Variants in GRID2 observed in about 807,000 individuals in gnomAD.
The protein encoded by GRID2 is glutamate ionotropic receptor delta type subunit 2, also known as glutamate receptor ionotropic, delta-2.
A neutral mutation model predicts 114.8 loss-of-function variants in GRID2; 33 were observed. That is an observed-to-expected ratio of 0.29 (90% CI 0.22 to 0.38). The LOEUF is 0.38. Ranked by LOEUF, GRID2 falls within the 10% of genes least tolerant of loss-of-function variation. The pLI, the probability that GRID2 is intolerant of heterozygous loss-of-function variation, is 1.00. For missense variants in GRID2, 1,184 were observed against 1,257.7 expected (o/e 0.94, Z 0.89); for synonymous variants, 505 against 449.9 (o/e 1.12, Z -1.55).
chr4:93,032,066 A>T (rs892797846), intron 2 of GRID2, among the ~76,000 whole-genome samples: 2 of 152,164 alleles, frequency 1.3e-5, no homozygotes, highest in African/African-American at 4.8e-5. Flanking sequence ...GCACAATCTC[A>T]GTGAGACAGG....
intron 2 of GRID2, among the ~76,000 whole-genome samples, chr4:92,627,609 T>C (rs567187380): frequency 1.3e-5 from 2 of 152,242 alleles, no homozygotes; most frequent in Admixed American, 1.3e-4. Context: ...TTAATAATAA[T>C]TTGGCCATTG....
intron 10 of GRID2, among the ~76,000 whole-genome samples, chr4:93,447,991 C>T (rs531806515): frequency 2.5e-3 from 383 of 151,934 alleles, no homozygotes; most frequent in African/African-American, 8.8e-3. Context: ...TATTACCAAA[C>T]AGGGTTTATT....
intron 14 of GRID2, among the ~76,000 whole-genome samples, chr4:93,747,375 A>G (rs1254472749): frequency 3.9e-5 from 6 of 152,114 alleles, no homozygotes; most frequent in Non-Finnish European, 5.9e-5. Context: ...TGTAGCTCTT[A>G]TCTCAGCCAT....
intron 1 of GRID2, among the ~76,000 whole-genome samples, chr4:92,385,886 G>A (rs1395528723): frequency 2.7e-5 from 2 of 74,822 alleles, no homozygotes; most frequent in Non-Finnish European, 5.5e-5. Context: ...GTGTGTGTGT[G>A]TGTGTGTGTG....
chr4:92,762,183 G>T (rs1738050816), intron 2 of GRID2, among the ~76,000 whole-genome samples: 1 of 152,122 alleles, frequency 6.6e-6, no homozygotes, highest in African/African-American at 2.4e-5. Context: ...AAAGTGCTGA[G>T]ATTACAGGCG....
At chr4:93,694,834 C>A (rs1440007263) in intron 14 of GRID2, among the ~76,000 whole-genome samples, 1 of 152,118 alleles carries the variant, frequency 6.6e-6, no homozygotes, top group Non-Finnish European at 1.5e-5. Flanking sequence ...CCCGGAAATG[C>A]TCACCCCGAA....
chr4:92,748,661 A>G (rs1737278465), intron 2 of GRID2, among the ~76,000 whole-genome samples: 2 of 146,930 alleles, frequency 1.4e-5, no homozygotes, highest in African/African-American at 5.0e-5. Flanking sequence ...TATTATTATT[A>G]TTATTATTAT....
chr4:93,718,623 T>C (rs529163845), intron 14 of GRID2, among the ~76,000 whole-genome samples: 2 of 152,286 alleles, frequency 1.3e-5, no homozygotes, highest in South Asian at 2.1e-4. Context: ...AAATACTTAT[T>C]GAACAAATGT....
chr4:92,640,150 C>T (rs915266256), intron 2 of GRID2, among the ~76,000 whole-genome samples: 1 of 151,634 alleles, frequency 6.6e-6, no homozygotes, highest in Non-Finnish European at 1.5e-5. Flanking sequence ...TACCGTTTTA[C>T]ACAAAATGGG....
Position 93,566,788 on chromosome 4 carries a change from CA to C in GRID2, c.2193+51387del, listed in dbSNP as rs200180299. On this transcript the variant is annotated intron_variant, in intron 13 of 15. Coordinates refer to ENST00000282020, the MANE Select transcript of GRID2 (RefSeq NM_001510.4). ...GTCTCAAAAACAAACAAACAAATGT[CA>C]AAAAAAAAACTCATCAAGTTGTGTG... 5.9e-3 allele frequency among the ~76,000 whole-genome samples: 852 copies of C among 144,334 alleles called. 2 individuals carry two copies. Among genetic ancestry groups the C allele is most frequent in the Middle Eastern group, 0.01 (3 of 286 alleles). 94.7% of individuals were successfully genotyped at this position (144,334 alleles called of 152,430 possible).
chr4:92,844,299 G>A (rs1396993727), intron 2 of GRID2, among the ~76,000 whole-genome samples: 2 of 152,010 alleles, frequency 1.3e-5, no homozygotes, highest in African/African-American at 4.8e-5. Flanking sequence ...CAGCATTTTG[G>A]AGGCCAAGAC....
chr4:93,200,981 G>C (rs1274207317), intron 4 of GRID2, among the ~76,000 whole-genome samples: 1 of 152,072 alleles, frequency 6.6e-6, no homozygotes, highest in Non-Finnish European at 1.5e-5. Context: ...CTCATTTAAT[G>C]TTCATTCTGA....
In GRID2 at chr4:92,939,968, G is replaced by C. The variant is rs1466236946; in HGVS notation, c.245-145027G>C. On this transcript the variant is annotated intron_variant, in intron 2 of 15. Transcript: ENST00000282020. ...GTACCATGCTGTTTTGGTTACTGTA[G>C]CCTTGTAGTATAGTTTGAAGTCAGG... 2.0e-5 allele frequency among the ~76,000 whole-genome samples: 3 copies of C among 147,094 alleles called. 1 individual carries two copies. The highest frequency in any genetic ancestry group is 4.5e-5 in the Non-Finnish European group (3 of 66,502).
At chr4:92,416,099 TTGCAGGAAAAAGTTGGTATCTCA>T (rs1731601781) in intron 1 of GRID2, among the ~76,000 whole-genome samples, 1 of 152,072 alleles carries the variant, frequency 6.6e-6, no homozygotes, top group Admixed American at 6.6e-5. Flanking sequence ...ATGGCCATTC[TTGCAGGAAAAAGTTGGTATCTCA>T]TTGCGGTTTT....
chr4:93,321,228 A>G (rs1757177893), intron 8 of GRID2, among the ~76,000 whole-genome samples: 1 of 152,090 alleles, frequency 6.6e-6, no homozygotes, highest in African/African-American at 2.4e-5. Context: ...AGGGGTGGTC[A>G]GGACTGCACA....
chr4:93,269,205 C>T (rs948120524), intron 8 of GRID2, among the ~76,000 whole-genome samples: 1 of 152,106 alleles, frequency 6.6e-6, no homozygotes, highest in African/African-American at 2.4e-5. Flanking sequence ...TCTTTTTGCA[C>T]ATTAAAATCA....
chr4:92,743,772 T>C (rs949721013), intron 2 of GRID2, among the ~76,000 whole-genome samples: 1 of 152,208 alleles, frequency 6.6e-6, no homozygotes, highest in African/African-American at 2.4e-5. Flanking sequence ...GGGCTACTTG[T>C]ATCTCATCTG....
chr4:92,639,510 TC>T (rs746393926), intron 2 of GRID2, among the ~76,000 whole-genome samples: 17 of 151,984 alleles, frequency 1.1e-4, no homozygotes, highest in Non-Finnish European at 2.2e-4. Context: ...CAAGTTCTGT[TC>T]TGCCACTTGT....
intron 3 of GRID2, among the ~76,000 whole-genome samples, chr4:93,107,641 C>A (rs1315416115): frequency 6.6e-6 from 1 of 151,954 alleles, no homozygotes; most frequent in Non-Finnish European, 1.5e-5. Flanking sequence ...CAGGTTCAAG[C>A]GATTTTCTTG....
Sources: gnomAD v4.1 joint callset for allele counts (sites outside exome capture counted in the v4.1 genomes callset) on GRCh38, gnomAD v4.1.1 for gene constraint, MANE v1.5 for transcripts, NCBI Gene and HGNC (gene_info 2026-07-23, HGNC 2026-07-21) for gene names.